DNAH9: variants seen among roughly 807,000 people sequenced by gnomAD.
DNAH9 encodes the protein DNAH9 variant protein.
Under a neutral mutation model 471.6 loss-of-function variants are expected in DNAH9, and 345 were observed. The ratio of observed to expected loss-of-function variants is 0.73; its 90% CI spans 0.67 to 0.80. The LOEUF is 0.80. Ranked by LOEUF, DNAH9 falls within the 30% of genes least tolerant of loss-of-function variation. DNAH9 has a pLI of 0.00. For synonymous variants in DNAH9, 2,093 were observed against 2,123.6 expected, an observed-to-expected ratio of 0.99 and a Z score of 0.40; for missense variants, 5,407 against 5,609.2, an observed-to-expected ratio of 0.96 and a Z score of 1.15.
intron 18 of DNAH9, 42 bp from the exon 19 acceptor site, chr17:11,680,681 G>C: frequency 6.3e-7 from 1 of 1,588,842 alleles, no homozygotes; most frequent in Non-Finnish European, 8.6e-7. Context: ...GGAGAGGAAA[G>C]AGCACCTTGG....
chr17:11,783,207 A>G (rs1391130309), intron 39 of DNAH9, among the ~76,000 whole-genome samples: 3 of 152,120 alleles, frequency 2.0e-5, no homozygotes, highest in Non-Finnish European at 4.4e-5. Flanking sequence ...TGATAAGTGG[A>G]AAAGAGGGAT....
chr17:11,684,581 C>T (rs1325265770), intron 19 of DNAH9, among the ~76,000 whole-genome samples: 1 of 152,168 alleles, frequency 6.6e-6, no homozygotes, highest in Non-Finnish European at 1.5e-5. Flanking sequence ...TAAGAAACGT[C>T]ACCATGACAT....
intron 17 of DNAH9, among the ~76,000 whole-genome samples, chr17:11,675,741 G>T (rs2074038718): frequency 6.6e-6 from 1 of 152,002 alleles, no homozygotes; most frequent in Non-Finnish European, 1.5e-5. Context: ...ATATTATTTG[G>T]CTTCTAATGT....
chr17:11,955,863 C>T (rs868488995), intron 67 of DNAH9, among the ~76,000 whole-genome samples: 6 of 152,222 alleles, frequency 3.9e-5, no homozygotes, highest in Non-Finnish European at 8.8e-5. Flanking sequence ...CACATAGGCA[C>T]CCTCTTTCTA....
chr17:11,744,962 C>T lies in DNAH9; in HGVS notation c.6277C>T (p.Leu2093=). 1 of 1,614,154 alleles carries T rather than the reference C, an allele frequency of 6.2e-7. No homozygotes were observed. Among genetic ancestry groups the T allele is most frequent in the East Asian group, 2.2e-5 (1 of 44,882 alleles). Residue 2093 remains leucine (L), a synonymous_variant, in exon 31 of 69, where the codon CTG becomes TTG. Coordinates refer to ENST00000262442, the MANE Select transcript of DNAH9 (RefSeq NM_001372.4). ...TGATGACATGCCCATCTTCATGGGC[C>T]TGATCGGGGACCTCTTTCCCGCCCT... ...VTDDMPIFMG[L]IGDLFPALDV...
At chr17:11,638,740 C>T (rs1269881036) in intron 9 of DNAH9, among the ~76,000 whole-genome samples, 1 of 152,160 alleles carries the variant, frequency 6.6e-6, no homozygotes, top group Non-Finnish European at 1.5e-5. Context: ...GGGTTCTCTA[C>T]TCAGAGAGAA....
At chr17:11,608,899 G>T (rs2072566754) in intron 2 of DNAH9, among the ~76,000 whole-genome samples, 2 of 152,100 alleles carry the variant, frequency 1.3e-5, no homozygotes, top group South Asian at 2.1e-4. Flanking sequence ...AAAACCCCAG[G>T]CTTGTCTCCT....
intron 49 of DNAH9, among the ~76,000 whole-genome samples, chr17:11,842,882 A>T (rs1310801272): frequency 6.6e-6 from 1 of 152,234 alleles, no homozygotes; most frequent in Non-Finnish European, 1.5e-5. Flanking sequence ...ACACCCAGGA[A>T]CAATACTTTG....
intron 27 of DNAH9, among the ~76,000 whole-genome samples, chr17:11,726,298 CAG>C (rs1272919194): frequency 2.6e-5 from 4 of 152,180 alleles, no homozygotes; most frequent in African/African-American, 7.2e-5. Context: ...CTGAGAAAAT[CAG>C]GGGTTATGTG....
chr17:11,775,488 A>G (rs576648639), intron 38 of DNAH9, among the ~76,000 whole-genome samples: 2 of 152,002 alleles, frequency 1.3e-5, no homozygotes, highest in Non-Finnish European at 2.9e-5. Flanking sequence ...TCAAATAGAC[A>G]GTAACTCCAC....
In DNAH9 at chr17:11,828,533, ATAAAT is replaced by A. The variant is rs1463815328; in HGVS notation, c.9246+5502_9246+5506del. Among the ~76,000 whole-genome samples, 6 of 151,802 alleles carry A rather than the reference ATAAAT, an allele frequency of 4.0e-5. No homozygotes were observed. The East Asian group carries it at 1.2e-3, about 29-fold the overall frequency. The stretch of plus-strand genomic sequence containing the variant: ...CACTCATTAAATATTTGTTGAATGA[ATAAAT>A]TACTGAATGAATAACATTCTGTTTC... On this transcript the variant is annotated intron_variant, in intron 48 of 68. Transcript: ENST00000262442.
At chr17:11,679,623 A>C (rs2074100123) in intron 17 of DNAH9, 134 bp from the exon 18 acceptor site, 1 of 683,858 alleles carries the variant, frequency 1.5e-6, no homozygotes, top group Non-Finnish European at 2.6e-6. Context: ...TAGTCTATGC[A>C]GAGTGCTTAG....
chr17:11,608,197 C>G lies in DNAH9; in HGVS notation c.486C>G (p.Val162=), dbSNP rs1037317788. 1 of 1,613,988 alleles carries G rather than the reference C, an allele frequency of 6.2e-7. No homozygotes were observed. The highest frequency in any genetic ancestry group is 1.3e-5 in the African/African-American group (1 of 75,058). ...LNWPHMICED[V]RRHAHSLQCD... ...GGCCCCACATGATATGTGAGGATGT[C>G]AGGCGGCACGCCCACAGCCTCCAAT... Residue 162 remains valine, a synonymous_variant, in exon 2 of 69, where the codon GTC becomes GTG. Coordinates refer to ENST00000262442, the MANE Select transcript of DNAH9 (RefSeq NM_001372.4).
chr17:11,696,280 T>G (rs73290876), intron 22 of DNAH9, among the ~76,000 whole-genome samples: 104 of 152,358 alleles, frequency 6.8e-4, no homozygotes, highest in African/African-American at 2.4e-3. Context: ...CTACATAGCT[T>G]GGAAATCACT....
At chr17:11,724,061 ATAT>A (rs992928351) in intron 27 of DNAH9, among the ~76,000 whole-genome samples, 1 of 152,160 alleles carries the variant, frequency 6.6e-6, no homozygotes, top group African/African-American at 2.4e-5. Context: ...TTTGATGCAC[ATAT>A]TATCAATAAT....
At position 11,937,491 on chromosome 17, in the gene DNAH9, G is replaced by C. The variant is rs1294513463; in HGVS notation, c.12629G>C (p.Arg4210Thr). The change falls in exon 66 of 69, where the codon AGA becomes ACA. Residue 4210 changes from arginine to threonine, a missense_variant. By Grantham distance (71) the Arg-to-Thr change is moderately conservative (BLOSUM62 -1). Around this residue, in one of 3 missense-constraint regions of DNAH9, gnomAD observed 4,636 missense variants for 4,900.3 expected, o/e 0.95. Transcript: ENST00000262442. This position sits in a 1 kb window ranked among gnomAD's most constrained non-coding sequence, Gnocchi z 4.1. ...LELQPRDSQA[R>T]DGAGATREEK... ...CTGCAGCCTCGGGACAGCCAGGCCAGAGACGGAGCGGGCGCCACAAGAGAA... is the reference window on the plus strand; with the variant it reads ...CTGCAGCCTCGGGACAGCCAGGCCACAGACGGAGCGGGCGCCACAAGAGAA... The C allele has an allele frequency of 1.9e-6, 3 of 1,613,506 alleles. No homozygotes were observed. The highest frequency in any genetic ancestry group is 1.7e-5 in the Admixed American group (1 of 59,966).
chr17:11,894,375 T>G lies in DNAH9; in HGVS notation c.11285T>G (p.Ile3762Ser). 1 of 1,614,040 alleles carries G rather than the reference T, an allele frequency of 6.2e-7. No homozygotes were observed. Among genetic ancestry groups the G allele is most frequent in the African/African-American group, 1.3e-5 (1 of 75,066 alleles). Residue 3762 changes from isoleucine (I) to serine (S), a missense_variant and splice_region_variant, in exon 59 of 69, where the codon ATT becomes AGT. Transcript: ENST00000262442. ...CAGTATCATTTCTCCACATTGCAGA[T>G]TCTCCTCATGAACCGAGAAGTCAAT... ...LTYLAQLTFQILLMNREVNAV... is the reference protein window; with the variant it reads ...LTYLAQLTFQSLLMNREVNAV...
chr17:11,722,211 AT>A (rs1286779773), intron 27 of DNAH9, among the ~76,000 whole-genome samples: 1 of 152,218 alleles, frequency 6.6e-6, no homozygotes, highest in Non-Finnish European at 1.5e-5. Context: ...AAAGCTAGAA[AT>A]AAATGCGGAA....
intron 53 of DNAH9, among the ~76,000 whole-genome samples, chr17:11,878,504 G>T (rs987127795): frequency 3.3e-5 from 5 of 151,986 alleles, no homozygotes; most frequent in African/African-American, 1.2e-4. Context: ...TTCTCTCCAA[G>T]AATTTTTAAA....
Sources: gnomAD v4.1 joint callset for allele counts (sites outside exome capture counted in the v4.1 genomes callset) on GRCh38, gnomAD v4.1.1 for gene constraint, gnomAD v4.1.1 regional missense constraint, Gnocchi (gnomAD v3.1) non-coding constraint, MANE v1.5 for transcripts, NCBI Gene and HGNC (gene_info 2026-07-23, HGNC 2026-07-21) for gene names.